The following USP22 variants were observed in gnomAD, a reference collection of about 807,000 sequenced individuals.
USP22 encodes ubiquitin carboxyl-terminal hydrolase 22.
USP22 carries 22 observed loss-of-function variants against 68.1 expected under a neutral mutation model. The ratio of observed to expected loss-of-function variants is 0.32; its 90% CI spans 0.23 to 0.46. The LOEUF is 0.46. Among genes scored for constraint, USP22 ranks in the 20% least tolerant of loss-of-function variants. The pLI is 1.00. For synonymous variants in USP22, 279 were observed against 274.2 expected, an observed-to-expected ratio of 1.02 and a Z score of -0.17; for missense variants, 433 against 695.8, an observed-to-expected ratio of 0.62 and a Z score of 4.25.
rs1243575705 is a variant in USP22, at chr17:21,011,951, T to TA, written c.945-643dup. 2.0e-5 allele frequency among the ~76,000 whole-genome samples: 3 copies of TA among 152,304 alleles called. No individual in the cohort carries two copies. The South Asian group carries it at 6.2e-4, about 32-fold the overall frequency. On this transcript the variant is annotated intron_variant, in intron 7 of 12. Transcript: ENST00000261497. ...TGCTCAGAGCAAACTCGGTTTCTAA[T>TA]ACTCAGAGACAAGGCCCCAAACGGT...
At chr17:21,040,229 T>A (rs542392319) in intron 1 of USP22, among the ~76,000 whole-genome samples, 1 of 152,336 alleles carries the variant, frequency 6.6e-6, no homozygotes, top group Middle Eastern at 3.4e-3. Flanking sequence ...GTCCTAAGCT[T>A]ACAGATCTGA....
intron 7 of USP22, 128 bp downstream of exon 7, chr17:21,012,702 G>T: frequency 2.4e-6 from 2 of 830,902 alleles, no homozygotes; most frequent in Non-Finnish European, 3.8e-6. Context: ...CTCTCATGGC[G>T]TCTATTAATC....
At chr17:21,023,701 G>T (rs1307887829) in intron 2 of USP22, among the ~76,000 whole-genome samples, 1 of 149,792 alleles carries the variant, frequency 6.7e-6, no homozygotes, top group Non-Finnish European at 1.5e-5. Flanking sequence ...CGTGATGTCA[G>T]ACACCCGGGA....
At chr17:21,022,037 TTGCAGTG>T (rs1275074643) in intron 2 of USP22, among the ~76,000 whole-genome samples, 1 of 151,882 alleles carries the variant, frequency 6.6e-6, no homozygotes, top group African/African-American at 2.4e-5. Flanking sequence ...GAAGGGGAGG[TTGCAGTG>T]TGCCAAGATC....
intron 2 of USP22, among the ~76,000 whole-genome samples, chr17:21,027,952 C>T (rs1333737322): frequency 2.0e-5 from 3 of 151,988 alleles, no homozygotes; most frequent in Admixed American, 6.6e-5. Flanking sequence ...TGGGTGACAG[C>T]GCGAGACTCC....
At chr17:21,011,027 G>A in intron 8 of USP22, 124 bp downstream of exon 8, 1 of 1,323,808 alleles carries the variant, frequency 7.6e-7, no homozygotes, top group Non-Finnish European at 1.0e-6. Flanking sequence ...GCCAATCCAG[G>A]CTCATGCTGC....
chr17:21,012,723 T>C, intron 7 of USP22, 107 bp downstream of exon 7: 1 of 1,018,006 alleles, frequency 9.8e-7, no homozygotes, highest in Non-Finnish European at 1.5e-6. Flanking sequence ...ATTTATCTCA[T>C]AGCCTCCTTA....
At chr17:21,012,662 A>G (rs182672477) in intron 7 of USP22, among the ~76,000 whole-genome samples, 168 bp downstream of exon 7, 62 of 151,596 alleles carry the variant, frequency 4.1e-4, no homozygotes, top group African/African-American at 1.5e-3. Flanking sequence ...GACCTCCCCA[A>G]GAGGAAGCAC....
chr17:21,003,045 G>A lies in USP22; in HGVS notation c.1564C>T (p.Leu522=), dbSNP rs1057218448. ...GYLLFYHKQF[L]EYE The stretch of plus-strand genomic sequence containing the variant: ...TGCAGATAAGGCTACTCGTATTCCA[G>A]GAACTGTTTGTGATAGAACAGCAAG... Residue 522 remains leucine, a synonymous_variant, in exon 13 of 13, where the codon CTG becomes TTG. Coordinates refer to ENST00000261497, the MANE Select transcript of USP22 (RefSeq NM_015276.2). 2 of 1,613,962 alleles carry A rather than the reference G, an allele frequency of 1.2e-6. No homozygotes were observed. The highest frequency in any genetic ancestry group is 1.7e-5 in the Admixed American group (1 of 60,022).
chr17:21,019,872 C>CT (rs1172643482), intron 3 of USP22, among the ~76,000 whole-genome samples: 5 of 152,224 alleles, frequency 3.3e-5, no homozygotes, highest in Non-Finnish European at 5.9e-5. Flanking sequence ...TAGGCCCGTG[C>CT]TTTAAGTGCT....
chr17:21,019,030 ACTTTTAAAC>A (rs2143573984), intron 4 of USP22, 45 bp downstream of exon 4: 1 of 1,569,126 alleles, frequency 6.4e-7, no homozygotes, highest in South Asian at 1.1e-5. Flanking sequence ...TTCTGTATTT[ACTTTTAAAC>A]CCTGGAAAGA....
intron 2 of USP22, among the ~76,000 whole-genome samples, chr17:21,023,680 G>A (rs1597696668): frequency 6.7e-6 from 1 of 150,144 alleles, no homozygotes; most frequent in African/African-American, 2.4e-5. Flanking sequence ...GGAGAGTGGG[G>A]CTTAAATCCA....
intron 1 of USP22, among the ~76,000 whole-genome samples, chr17:21,034,817 G>A (rs542963784): frequency 6.4e-4 from 97 of 152,290 alleles, no homozygotes; most frequent in African/African-American, 2.2e-3. Context: ...ACGTGAAAAG[G>A]TAAAAATTCT....
chr17:21,018,935 G>T, intron 4 of USP22, 149 bp downstream of exon 4: 1 of 756,754 alleles, frequency 1.3e-6, no homozygotes, highest in Non-Finnish European at 2.2e-6. Context: ...GAGAACAGGT[G>T]CTCAAGAGCT....
At chr17:21,025,766 C>T (rs1182557495) in intron 2 of USP22, among the ~76,000 whole-genome samples, 2 of 152,122 alleles carry the variant, frequency 1.3e-5, no homozygotes, top group Admixed American at 6.5e-5. Context: ...TATATGATTC[C>T]ACACATATGA....
At chr17:21,013,559 C>T (rs1914033433) in intron 6 of USP22, among the ~76,000 whole-genome samples, 1 of 152,206 alleles carries the variant, frequency 6.6e-6, no homozygotes, top group Non-Finnish European at 1.5e-5. Flanking sequence ...AATACATATT[C>T]TACATAACTT....
chr17:21,042,467 G>C (rs1476441150), intron 1 of USP22, among the ~76,000 whole-genome samples, 198 bp downstream of exon 1: 3 of 143,230 alleles, frequency 2.1e-5, no homozygotes, highest in Non-Finnish European at 4.6e-5. Context: ...AGGAGATAAG[G>C]GAAGGGAGAG....
intron 4 of USP22, 83 bp downstream of exon 4, chr17:21,019,000 TG>T: frequency 1.4e-6 from 2 of 1,389,636 alleles, no homozygotes; most frequent in Non-Finnish European, 1.0e-6. Flanking sequence ...CAGAATCATG[TG>T]GACTTAAGAA....
At chr17:21,012,974 A>T in intron 6 of USP22, 39 bp from the exon 7 acceptor site, 1 of 1,590,518 alleles carries the variant, frequency 6.3e-7, no homozygotes, top group Non-Finnish European at 8.6e-7. Flanking sequence ...GTGTCTCCCC[A>T]AATATGGGGA....
Sources: allele counts gnomAD v4.1 joint callset (sites outside exome capture counted in the v4.1 genomes callset), GRCh38; gene constraint gnomAD v4.1.1; transcripts MANE v1.5; gene names NCBI Gene and HGNC (gene_info 2026-07-23, HGNC 2026-07-21).